Variants in RCAN1 observed in about 807,000 individuals in gnomAD.
RCAN1 encodes the protein regulator of calcineurin 1, also known as calcipressin-1.
RCAN1 carries 11 observed loss-of-function variants against 22.9 expected under a neutral mutation model. The ratio of observed to expected loss-of-function variants is 0.48; its 90% CI spans 0.30 to 0.79. The LOEUF is 0.79. Ranked by LOEUF, RCAN1 falls within the 30% of genes least tolerant of loss-of-function variation. RCAN1 has a pLI of 0.06. For missense variants in RCAN1, 291 were observed against 337.8 expected, an observed-to-expected ratio of 0.86 and a Z score of 1.09; for synonymous variants, 136 against 142.3, an observed-to-expected ratio of 0.96 and a Z score of 0.32.
At chr21:34,565,162 G>A (rs75537252) in intron 1 of RCAN1, among the ~76,000 whole-genome samples, 1,877 of 152,306 alleles carry the variant, frequency 0.012, 30 homozygotes, top group African/African-American at 0.043. Flanking sequence ...TGGTGTCACT[G>A]CAATCTAGCC....
intron 1 of RCAN1, among the ~76,000 whole-genome samples, chr21:34,602,670 T>G (rs889105607): frequency 6.6e-6 from 1 of 152,182 alleles, no homozygotes; most frequent in Admixed American, 6.5e-5. Context: ...ACTACTTGAC[T>G]AGAGTGGTGG....
chr21:34,539,044 T>C (rs141150177), intron 1 of RCAN1, among the ~76,000 whole-genome samples: 22 of 152,274 alleles, frequency 1.4e-4, no homozygotes, highest in African/African-American at 4.8e-4. Context: ...TCATCATCCA[T>C]GTAAGGAGCT....
chr21:34,526,068 T>C (rs1985026651), intron 1 of RCAN1, among the ~76,000 whole-genome samples: 1 of 152,192 alleles, frequency 6.6e-6, no homozygotes, highest in African/African-American at 2.4e-5. Context: ...AAAACTTACA[T>C]TTTAATCAAA....
chr21:34,613,722 C>A, intron 1 of RCAN1: 1 of 1,450,218 alleles, frequency 6.9e-7, no homozygotes, highest in South Asian at 1.4e-5. Context: ...TACCTAAGCA[C>A]ACGGCCATTG....
intron 1 of RCAN1, among the ~76,000 whole-genome samples, chr21:34,589,990 A>G (rs1053229812): frequency 2.0e-5 from 3 of 152,206 alleles, no homozygotes; most frequent in Admixed American, 2.0e-4. Context: ...GAGAACCCTG[A>G]TTGATGCAGA....
At chr21:34,527,324 CTCAA>C (rs3831376) in intron 1 of RCAN1, among the ~76,000 whole-genome samples, 65,064 of 151,616 alleles carry the variant, frequency 0.43, 14,445 homozygotes, top group African/African-American at 0.5. Flanking sequence ...TCCTGAAAAC[CTCAA>C]TCAAAGTTTC....
At chr21:34,519,820 C>G (rs1984367349) in intron 3 of RCAN1, among the ~76,000 whole-genome samples, 1 of 152,164 alleles carries the variant, frequency 6.6e-6, no homozygotes, top group South Asian at 2.1e-4. Flanking sequence ...GGTTACTCCT[C>G]TAAACCTGGA....
At chr21:34,525,978 C>A (rs1277485159) in intron 1 of RCAN1, among the ~76,000 whole-genome samples, 1 of 152,082 alleles carries the variant, frequency 6.6e-6, no homozygotes, top group African/African-American at 2.4e-5. Context: ...GGCACAAATA[C>A]CACCCCTCAA....
chr21:34,525,089 T>G, intron 1 of RCAN1: 1 of 1,550,542 alleles, frequency 6.4e-7, no homozygotes, highest in Non-Finnish European at 8.7e-7. Context: ...ACTGAGGACC[T>G]TGGAGAACCT....
chr21:34,528,334 G>C (rs1336697034), intron 1 of RCAN1, among the ~76,000 whole-genome samples: 2 of 152,204 alleles, frequency 1.3e-5, no homozygotes, highest in Non-Finnish European at 2.9e-5. Context: ...AACGCACTGT[G>C]CCTTGCTGCC....
At chr21:34,559,673 C>G (rs1986718097) in intron 1 of RCAN1, 1 of 152,188 alleles carries the variant, frequency 6.6e-6, no homozygotes, top group Non-Finnish European at 1.5e-5. Flanking sequence ...TCAACCTACA[C>G]TTTGCAGTTT....
chr21:34,609,758 G>A (rs1286404229), intron 1 of RCAN1, among the ~76,000 whole-genome samples: 1 of 152,144 alleles, frequency 6.6e-6, no homozygotes, highest in Non-Finnish European at 1.5e-5. Flanking sequence ...AGCTGAGAGG[G>A]GAACCAAGCA....
chr21:34,614,773 T>C lies in RCAN1; in HGVS notation c.239A>G (p.Asp80Gly). ...ACHLDPRVFVDGLCRAKFESL... is the reference protein window; with the variant it reads ...ACHLDPRVFVGGLCRAKFESL... The stretch of plus-strand genomic sequence containing the variant: ...CGCGGTCCTCACCCGGCACAGGCCG[T>C]CCACGAACACGCGCGGGTCCAGGTG... The change falls in exon 1 of 4, where the codon GAC (aspartate) becomes GGC (glycine). Residue 80 changes from aspartate (D) to glycine (G), a missense_variant. By Grantham distance (94) the Asp-to-Gly change is moderately conservative. Transcript: ENST00000313806. This position sits in a 1 kb window ranked among gnomAD's most constrained non-coding sequence, Gnocchi z 6.0. 1 of 1,455,160 alleles carries C rather than the reference T, an allele frequency of 6.9e-7. No individual in the cohort carries two copies. 90.1% of individuals were successfully genotyped at this position (1,455,160 alleles called of 1,614,324 possible). A position where few individuals can be genotyped will look rare whatever the true frequency, so the allele number is the denominator to read the frequency against.
intron 1 of RCAN1, among the ~76,000 whole-genome samples, chr21:34,610,527 T>C (rs1206288709): frequency 6.6e-6 from 1 of 152,192 alleles, no homozygotes; most frequent in African/African-American, 2.4e-5. Context: ...GGGTAAGTCA[T>C]CTAGCTAGAA....
At chr21:34,524,028 C>T (rs890766609) in intron 1 of RCAN1, 7 of 181,810 alleles carry the variant, frequency 3.9e-5, no homozygotes, top group Middle Eastern at 2.3e-3. Flanking sequence ...GGTGATCCCT[C>T]GGCCTCCCAA....
chr21:34,525,241 T>C, intron 1 of RCAN1: 2 of 1,550,590 alleles, frequency 1.3e-6, no homozygotes, highest in Non-Finnish European at 1.7e-6. Flanking sequence ...AGGAGCAGGG[T>C]AGTCGGTCCC....
chr21:34,523,831 G>C (rs1227734357), intron 1 of RCAN1, 121 bp from the exon 2 acceptor site: 1 of 757,802 alleles, frequency 1.3e-6, no homozygotes. Flanking sequence ...CACCCAGGCT[G>C]GAGTGCAGTG....
chr21:34,520,349 C>T (rs569285308), intron 3 of RCAN1, among the ~76,000 whole-genome samples: 1 of 152,312 alleles, frequency 6.6e-6, no homozygotes, highest in East Asian at 1.9e-4. Flanking sequence ...AGACTCCACA[C>T]CCTCAGCCAT....
At chr21:34,602,812 TTC>T (rs982784936) in intron 1 of RCAN1, among the ~76,000 whole-genome samples, 12 of 152,184 alleles carry the variant, frequency 7.9e-5, no homozygotes, top group African/African-American at 2.7e-4. Context: ...TTCATCTGAG[TTC>T]TCTCTCTGTA....
Sources: gnomAD v4.1 joint callset for allele counts (sites outside exome capture counted in the v4.1 genomes callset) on GRCh38, gnomAD v4.1.1 for gene constraint, Gnocchi (gnomAD v3.1) non-coding constraint, MANE v1.5 for transcripts, NCBI Gene and HGNC (gene_info 2026-07-23, HGNC 2026-07-21) for gene names.